The following GRIK4 variants were observed in gnomAD, a reference collection of about 807,000 sequenced individuals.
GRIK4 encodes glutamate receptor ionotropic, kainate 4.
GRIK4 carries 40 observed loss-of-function variants against 104.9 expected under a neutral mutation model. The observed-to-expected ratio is 0.38, with a 90% confidence interval of 0.30 to 0.50. The LOEUF (loss-of-function observed/expected upper bound fraction) is 0.50. Ranked by LOEUF, GRIK4 falls within the 20% of genes least tolerant of loss-of-function variation. The pLI, the probability that GRIK4 is intolerant of heterozygous loss-of-function variation, is 0.93. For missense variants in GRIK4, 1,047 were observed against 1,308.1 expected (o/e 0.80, Z 3.08); for synonymous variants, 485 against 524.9 (o/e 0.92, Z 1.04).
intron 3 of GRIK4, among the ~76,000 whole-genome samples, chr11:120,687,680 G>A (rs12281008): frequency 0.099 from 15,104 of 152,148 alleles, 810 homozygotes; most frequent in South Asian, 0.13. Context: ...GCTAGGCAGA[G>A]TAAAACCAAT....
intron 3 of GRIK4, among the ~76,000 whole-genome samples, chr11:120,797,895 C>T (rs1952550031): frequency 6.6e-6 from 1 of 152,164 alleles, no homozygotes; most frequent in Non-Finnish European, 1.5e-5. Context: ...TTCCCTCTGT[C>T]TCAAGGTGTG....
At chr11:120,966,334 G>A (rs1427625166) in intron 18 of GRIK4, among the ~76,000 whole-genome samples, 1 of 152,088 alleles carries the variant, frequency 6.6e-6, no homozygotes, top group African/African-American at 2.4e-5. Flanking sequence ...GTTGTCAGGT[G>A]TAATGTAGTG....
chr11:120,605,178 G>C (rs998571242), intron 1 of GRIK4, among the ~76,000 whole-genome samples: 3 of 152,196 alleles, frequency 2.0e-5, no homozygotes, highest in Admixed American at 6.5e-5. Context: ...TGATACTGAT[G>C]ACTGGCCAAG....
Position 120,524,051 on chromosome 11 carries a change from C to T in GRIK4, c.-159+12164C>T, listed in dbSNP as rs182046449. Among the ~76,000 whole-genome samples the T allele has an allele frequency of 3.0e-3, 457 of 152,160 alleles. 2 individuals are homozygous for T. The highest frequency in any genetic ancestry group is 9.3e-3 in the African/African-American group (385 of 41,504). ...AAGTGATTCCCCTGCCTCAGCCTCC[C>T]GAGTAGCTGGGACTACAGGCGCACA... On this transcript the variant is annotated intron_variant, in intron 1 of 20. Coordinates refer to ENST00000527524, the MANE Select transcript of GRIK4 (RefSeq NM_014619.5). This position sits in a 1 kb window ranked among gnomAD's most constrained non-coding sequence, Gnocchi z 4.5.
chr11:120,898,833 G>A (rs1942656204), intron 12 of GRIK4, among the ~76,000 whole-genome samples, 194 bp downstream of exon 12: 1 of 152,204 alleles, frequency 6.6e-6, no homozygotes, highest in Admixed American at 6.5e-5. Flanking sequence ...GAGCAGGTGG[G>A]GGGAGGGTTG....
At chr11:120,793,219 G>A (rs1304887675) in intron 3 of GRIK4, among the ~76,000 whole-genome samples, 1 of 152,152 alleles carries the variant, frequency 6.6e-6, no homozygotes, top group Admixed American at 6.5e-5. Context: ...AGTGCAGTGG[G>A]TCGAGGAGAA....
chr11:120,827,370 C>A (rs141548459), intron 6 of GRIK4, among the ~76,000 whole-genome samples: 53 of 152,304 alleles, frequency 3.5e-4, no homozygotes, highest in African/African-American at 9.9e-4. Flanking sequence ...ACTCTCTCAT[C>A]GATCCGTCCC....
intron 1 of GRIK4, among the ~76,000 whole-genome samples, chr11:120,623,720 T>A (rs919041849): frequency 6.6e-6 from 1 of 152,264 alleles, no homozygotes; most frequent in African/African-American, 2.4e-5. Flanking sequence ...CTTTACTTTC[T>A]TCATAAATTT....
Position 120,677,604 on chromosome 11 carries a change from G to T in GRIK4, c.82+17204G>T, listed in dbSNP as rs953779135. On this transcript the variant is annotated intron_variant, in intron 3 of 20. Coordinates refer to ENST00000527524, the MANE Select transcript of GRIK4 (RefSeq NM_014619.5). ...TATTTTGTTGGTACATGTTCTAAAT[G>T]TGGAAAGGCCAGACTCTCAGACATG... Among the ~76,000 whole-genome samples the T allele has an allele frequency of 3.3e-5, 5 of 152,306 alleles. 1 individual carries two copies. In the South Asian group the frequency reaches 8.3e-4, roughly 25 times the overall value.
At chr11:120,834,967 C>T (rs1216611040) in intron 7 of GRIK4, among the ~76,000 whole-genome samples, 1 of 152,198 alleles carries the variant, frequency 6.6e-6, no homozygotes, top group African/African-American at 2.4e-5. Context: ...TGCAGCAGCA[C>T]TCTTACTTGG....
chr11:120,919,165 G>A (rs1943174303), intron 13 of GRIK4, among the ~76,000 whole-genome samples: 2 of 152,210 alleles, frequency 1.3e-5, no homozygotes, highest in East Asian at 3.9e-4. Flanking sequence ...AAGGAGGAGA[G>A]AGTTGCCGGC....
intron 19 of GRIK4, among the ~76,000 whole-genome samples, chr11:120,977,168 G>C (rs767323405): frequency 1.3e-5 from 2 of 152,200 alleles, no homozygotes; most frequent in Non-Finnish European, 2.9e-5. Flanking sequence ...TGTGGGGAGA[G>C]CGTGATTCTA....
intron 1 of GRIK4, among the ~76,000 whole-genome samples, chr11:120,584,288 G>A (rs532588065): frequency 1.3e-5 from 2 of 152,276 alleles, no homozygotes; most frequent in East Asian, 3.9e-4. Flanking sequence ...ATAGATGACT[G>A]TATTAGGCCA....
chr11:120,520,140 G>A (rs1183587033), intron 1 of GRIK4, among the ~76,000 whole-genome samples: 1 of 151,982 alleles, frequency 6.6e-6, no homozygotes, highest in African/African-American at 2.4e-5. Flanking sequence ...TGATCCACCC[G>A]CCTCAGCCCC....
rs530516284 is a variant in GRIK4, at chr11:120,733,311, T to C, written c.83-69382T>C. Reference sequence around the variant, plus strand: ...TTTTTATTGGAGAATTTAGTCCATTTATATTCAATGTTATTATTGATAAGT... The same window carrying C: ...TTTTTATTGGAGAATTTAGTCCATTCATATTCAATGTTATTATTGATAAGT... On this transcript the variant is annotated intron_variant, in intron 3 of 20. Transcript: ENST00000527524. 3.9e-5 allele frequency among the ~76,000 whole-genome samples: 6 copies of C among 152,324 alleles called. No homozygotes were observed. In the East Asian group the frequency reaches 1.2e-3, roughly 29 times the overall value.
intron 3 of GRIK4, among the ~76,000 whole-genome samples, chr11:120,764,459 G>A (rs1951798445): frequency 6.6e-6 from 1 of 152,104 alleles, no homozygotes; most frequent in Non-Finnish European, 1.5e-5. Flanking sequence ...GGTTGATATT[G>A]TTATGTGTGA....
At chr11:120,531,251 G>T (rs1947920629) in intron 1 of GRIK4, among the ~76,000 whole-genome samples, 2 of 152,250 alleles carry the variant, frequency 1.3e-5, no homozygotes, top group African/African-American at 4.8e-5. Flanking sequence ...ATCAAGGCCA[G>T]AAAGATCAAG....
intron 1 of GRIK4, among the ~76,000 whole-genome samples, chr11:120,542,889 G>C (rs746836907): frequency 2.6e-5 from 4 of 152,386 alleles, no homozygotes; most frequent in Middle Eastern, 3.4e-3. Context: ...AGACCTAGGG[G>C]AAGGGGAAAC....
chr11:120,654,663 A>T (rs1949674685), intron 2 of GRIK4, among the ~76,000 whole-genome samples: 1 of 152,192 alleles, frequency 6.6e-6, no homozygotes, highest in South Asian at 2.1e-4. Flanking sequence ...ACACCTGGCC[A>T]GTATTTATTA....
Sources: gnomAD v4.1 joint callset for allele counts (sites outside exome capture counted in the v4.1 genomes callset) on GRCh38, gnomAD v4.1.1 for gene constraint, Gnocchi (gnomAD v3.1) non-coding constraint, MANE v1.5 for transcripts, NCBI Gene and HGNC (gene_info 2026-07-23, HGNC 2026-07-21) for gene names.